Variants in CADPS2 observed in about 807,000 individuals in gnomAD.
CADPS2 encodes the protein calcium dependent secretion activator 2, also known as calcium-dependent secretion activator 2.
CADPS2 carries 93 observed loss-of-function variants against 172.5 expected under a neutral mutation model. The observed-to-expected ratio is 0.54, with a 90% confidence interval of 0.46 to 0.64. The LOEUF (loss-of-function observed/expected upper bound fraction) is 0.64. Among genes scored for constraint, CADPS2 ranks in the 30% least tolerant of loss-of-function variants. The probability of loss-of-function intolerance (pLI) is 0.00; values close to 1 mark genes in which losing one functional copy is unlikely to be tolerated. For synonymous variants in CADPS2, 546 were observed against 555.2 expected, an observed-to-expected ratio of 0.98 and a Z score of 0.23; for missense variants, 1,420 against 1,565.9, an observed-to-expected ratio of 0.91 and a Z score of 1.57.
chr7:122,746,228 T>G (rs180835087), intron 1 of CADPS2, among the ~76,000 whole-genome samples: 10 of 152,272 alleles, frequency 6.6e-5, no homozygotes, highest in Admixed American at 4.6e-4. Flanking sequence ...TAATTAACAA[T>G]AGATGGATCC....
chr7:122,578,467 T>C (rs993578129), intron 7 of CADPS2, among the ~76,000 whole-genome samples: 12 of 152,068 alleles, frequency 7.9e-5, no homozygotes, highest in Non-Finnish European at 1.8e-4. Flanking sequence ...TTCATGTAGA[T>C]CAGGGATTCT....
chr7:122,645,514 T>TTA (rs376523760), intron 3 of CADPS2, among the ~76,000 whole-genome samples: 8 of 112,212 alleles, frequency 7.1e-5, no homozygotes, highest in African/African-American at 1.4e-4. Flanking sequence ...ATATATATAC[T>TTA]TATATATATA....
chr7:122,880,352 T>C lies in CADPS2; in HGVS notation c.339+5647A>G, dbSNP rs944020448. On this transcript the variant is annotated intron_variant, in intron 1 of 29. Transcript: ENST00000449022. ...ATTTAAAAGCCTCCAGCATATCACC[T>C]AGACACCTTTTATAAGTCTAAATAA... 7.2e-5 allele frequency among the ~76,000 whole-genome samples: 11 copies of C among 152,208 alleles called. No individual in the cohort carries two copies. In the South Asian group the frequency reaches 8.3e-4, roughly 11 times the overall value.
chr7:122,669,215 T>C (rs539557658), intron 2 of CADPS2, among the ~76,000 whole-genome samples: 61 of 152,100 alleles, frequency 4.0e-4, no homozygotes, highest in African/African-American at 1.5e-3. Context: ...CCTGTGCTCC[T>C]AGCTACACAG....
intron 3 of CADPS2, among the ~76,000 whole-genome samples, chr7:122,659,923 G>A (rs1169848287): frequency 1.3e-5 from 2 of 151,984 alleles, no homozygotes; most frequent in Non-Finnish European, 2.9e-5. Context: ...TACTTTAAAT[G>A]CAAAGAAGAA....
At chr7:122,480,694 AT>A (rs1254627298) in intron 12 of CADPS2, among the ~76,000 whole-genome samples, 157 bp downstream of exon 12, 1 of 152,118 alleles carries the variant, frequency 6.6e-6, no homozygotes, top group Admixed American at 6.6e-5. Context: ...TGCGATAGAC[AT>A]TTTTTGTTTT....
At chr7:122,879,552 A>G (rs776223388) in intron 1 of CADPS2, among the ~76,000 whole-genome samples, 7 of 151,934 alleles carry the variant, frequency 4.6e-5, no homozygotes, top group Non-Finnish European at 8.8e-5. Flanking sequence ...AAAAATAAAA[A>G]TAAAAAAAGA....
intron 2 of CADPS2, among the ~76,000 whole-genome samples, chr7:122,731,184 A>C (rs557031891): frequency 1.3e-5 from 2 of 151,802 alleles, no homozygotes; most frequent in Admixed American, 6.6e-5. Flanking sequence ...AAACAAATGA[A>C]AACAGTAAGA....
At chr7:122,702,620 A>G in intron 2 of CADPS2, 1 of 1,613,456 alleles carries the variant, frequency 6.2e-7, no homozygotes, top group Non-Finnish European at 8.5e-7. Flanking sequence ...CTGAAATGTT[A>G]TATTCAGGTG....
intron 1 of CADPS2, among the ~76,000 whole-genome samples, chr7:122,834,047 C>T (rs915526360): frequency 1.3e-5 from 2 of 152,072 alleles, no homozygotes; most frequent in Admixed American, 6.5e-5. Context: ...ATACAGAAAC[C>T]AGAGAACAAC....
intron 3 of CADPS2, among the ~76,000 whole-genome samples, chr7:122,643,584 C>T (rs2077938217): frequency 6.6e-6 from 1 of 152,166 alleles, no homozygotes; most frequent in South Asian, 2.1e-4. Context: ...CAAACTAAAA[C>T]TGAACTGATT....
chr7:122,404,534 T>C (rs2046391603), intron 20 of CADPS2, among the ~76,000 whole-genome samples: 1 of 152,166 alleles, frequency 6.6e-6, no homozygotes, highest in Non-Finnish European at 1.5e-5. Context: ...GGTCAAATAG[T>C]ATTTCTAGTT....
intron 1 of CADPS2, among the ~76,000 whole-genome samples, chr7:122,828,113 C>T (rs1805477244): frequency 6.6e-6 from 1 of 152,090 alleles, no homozygotes. Context: ...CATTTAGGAT[C>T]ATCATGTCTC....
chr7:122,876,711 A>C (rs2141630819), intron 1 of CADPS2, among the ~76,000 whole-genome samples: 1 of 152,354 alleles, frequency 6.6e-6, no homozygotes, highest in South Asian at 2.1e-4. Context: ...AATCTAAAAT[A>C]AGACTTATAG....
At chr7:122,743,472 A>G (rs2092587121) in intron 1 of CADPS2, among the ~76,000 whole-genome samples, 1 of 152,144 alleles carries the variant, frequency 6.6e-6, no homozygotes, top group Admixed American at 6.6e-5. Flanking sequence ...TGACCTGCAG[A>G]ACCCATCAGG....
intron 1 of CADPS2, among the ~76,000 whole-genome samples, chr7:122,874,999 G>C (rs529831594): frequency 6.6e-6 from 1 of 152,080 alleles, no homozygotes; most frequent in African/African-American, 2.4e-5. Context: ...CAGAAAATAA[G>C]ATTAAACATA....
intron 1 of CADPS2, among the ~76,000 whole-genome samples, chr7:122,796,925 C>T (rs938035694): frequency 6.6e-6 from 1 of 152,034 alleles, no homozygotes; most frequent in Non-Finnish European, 1.5e-5. Flanking sequence ...AGTGAACAGA[C>T]AACCTACAAA....
In CADPS2 at chr7:122,541,859, A is replaced by T. The variant is rs373046177; in HGVS notation, c.1475+12691T>A. 8.6e-3 allele frequency among the ~76,000 whole-genome samples: 682 copies of T among 79,488 alleles called. 9 individuals carry two copies. Among genetic ancestry groups the T allele is most frequent in the East Asian group, 0.025 (105 of 4,252 alleles). 52.1% of individuals were successfully genotyped at this position (79,488 alleles called of 152,430 possible). ...TATGTTTATATATTCATATATATTT[A>T]TATATATGCATATATATTTATATAT... is the stretch of plus-strand genomic sequence containing the variant. On this transcript the variant is annotated intron_variant, in intron 8 of 29. Coordinates refer to ENST00000449022, the MANE Select transcript of CADPS2 (RefSeq NM_017954.11).
At chr7:122,658,266 A>T (rs1053838664) in intron 3 of CADPS2, among the ~76,000 whole-genome samples, 6 of 152,190 alleles carry the variant, frequency 3.9e-5, no homozygotes, top group African/African-American at 1.4e-4. Flanking sequence ...ATGTGGAGAA[A>T]TAGGAACACT....
Sources: allele counts gnomAD v4.1 joint callset (sites outside exome capture counted in the v4.1 genomes callset), GRCh38; gene constraint gnomAD v4.1.1; transcripts MANE v1.5; gene names NCBI Gene and HGNC (gene_info 2026-07-23, HGNC 2026-07-21).